Variants in C22orf31 observed in about 807,000 individuals in gnomAD.
The protein encoded by C22orf31 is chromosome 22 open reading frame 31, also known as uncharacterized protein C22orf31.
C22orf31 carries 11 observed loss-of-function variants against 15.0 expected under a neutral mutation model. That is an observed-to-expected ratio of 0.73 (90% CI 0.46 to 1.21). The LOEUF (loss-of-function observed/expected upper bound fraction) is 1.21, where lower values mean the gene tolerates loss of function less well. C22orf31 is among the 50% of genes most tolerant of loss of function. C22orf31 has a pLI of 0.00. For synonymous variants in C22orf31, 132 were observed against 133.3 expected (o/e 0.99, Z 0.07); for missense variants, 340 against 347.2 (o/e 0.98, Z 0.17).
At chr22:29,062,555 G>A (rs2037401405), upstream of C22orf31, among the ~76,000 whole-genome samples, 1 of 152,140 alleles carries the variant, frequency 6.6e-6, no homozygotes, top group Non-Finnish European at 1.5e-5. Flanking sequence ...TGCTCGTCCT[G>A]TTGGTGGGTT....
rs2037347509 is a variant in C22orf31 at position 29,058,864 on chromosome 22, G to A, written c.751C>T (p.Leu251Phe). The A allele has an allele frequency of 6.2e-7, 1 of 1,614,152 alleles. No homozygotes were observed. Among genetic ancestry groups the A allele is most frequent in the Non-Finnish European group, 8.5e-7 (1 of 1,180,018 alleles). ...TCAGAGATGGCACCCTGACTGCAAAGAGCCTCCCAGAGCTTTTGTTTAATG... is the reference window on the plus strand; with the variant it reads ...TCAGAGATGGCACCCTGACTGCAAAAAGCCTCCCAGAGCTTTTGTTTAATG... Reference protein sequence around the residue: ...KAIKQKLWEALCSQGAISEGA... With the variant: ...KAIKQKLWEAFCSQGAISEGA... Residue 251 changes from leucine to phenylalanine, a missense_variant, in exon 3 of 3, where the codon CTT (leucine) becomes TTT (phenylalanine). Physicochemically the swap from Leu to Phe is conservative, Grantham distance 22 (BLOSUM62 0). Transcript: ENST00000216071.
upstream of C22orf31, among the ~76,000 whole-genome samples, chr22:29,066,046 C>T (rs967550035): frequency 6.7e-6 from 1 of 150,344 alleles, no homozygotes; most frequent in Non-Finnish European, 1.5e-5. Flanking sequence ...GTATAATCTT[C>T]CTTCTTCCTT....
chr22:29,062,748 G>A (rs988947064), upstream of C22orf31, among the ~76,000 whole-genome samples: 1 of 152,146 alleles, frequency 6.6e-6, no homozygotes, highest in African/African-American at 2.4e-5. Context: ...ACCACAGGCT[G>A]TGGTGGAACC....
At position 29,059,557 on chromosome 22, in the gene C22orf31, C is replaced by G. The variant is rs1040026847; in HGVS notation, c.433-375G>C. 2.4e-5 allele frequency: 8 copies of G among 335,144 alleles called. No individual in the cohort carries two copies. In the Admixed American group the frequency reaches 3.9e-4, roughly 16 times the overall value. The allele number at this position is 335,144 out of a possible 1,614,324, so 20.8% of individuals were successfully genotyped here. On this transcript the variant is annotated intron_variant, in intron 2 of 2. Transcript: ENST00000216071. ...TTCATGAAGCCCTATGAGGGAAGGG[C>G]CGTTATCCCCCATTTAATATGATAA...
chr22:29,070,456 C>T, the C22orf31 span, among the ~76,000 whole-genome samples: 1 of 152,222 alleles, frequency 6.6e-6, no homozygotes, highest in South Asian at 2.1e-4. Flanking sequence ...CCAGACTTGG[C>T]CAAATAAACT....
chr22:29,059,733 C>A (rs2037363173), intron 2 of C22orf31: 3 of 985,232 alleles, frequency 3.0e-6, no homozygotes, highest in African/African-American at 1.7e-5. Context: ...TGGACGCTCA[C>A]AATCCAGATC....
chr22:29,060,194 C>CTTTTT (rs60535445), intron 2 of C22orf31, among the ~76,000 whole-genome samples: 1 of 128,830 alleles, frequency 7.8e-6, no homozygotes, highest in Non-Finnish European at 1.7e-5. Context: ...TCATGCCTGG[C>CTTTTT]TTTTTTTTTT....
At chr22:29,073,336 GC>G in the C22orf31 span, 3 of 294,628 alleles carry the variant, frequency 1.0e-5, no homozygotes. The surrounding 1 kb of genome is among the most constrained non-coding windows in gnomAD (Gnocchi z 4.4). Flanking sequence ...GACCTTCCGG[GC>G]CCCTTCCCCT....
chr22:29,072,343 C>G, the C22orf31 span, among the ~76,000 whole-genome samples: 129 of 152,168 alleles, frequency 8.5e-4, no homozygotes, highest in Non-Finnish European at 1.6e-3. Context: ...CCAGGTTGGT[C>G]TCAGAATCCT....
the C22orf31 span, chr22:29,073,269 C>G: frequency 1.1e-6 from 1 of 941,920 alleles, no homozygotes; most frequent in Non-Finnish European, 1.4e-6. This position sits in a 1 kb window ranked among gnomAD's most constrained non-coding sequence, Gnocchi z 4.4. Flanking sequence ...TGAGCGGAGC[C>G]CACTCGAGGG....
chr22:29,064,650 A>C (rs1387447836), upstream of C22orf31, among the ~76,000 whole-genome samples: 2 of 132,594 alleles, frequency 1.5e-5, no homozygotes, highest in Non-Finnish European at 3.1e-5. Flanking sequence ...AGTAGCTGGG[A>C]TCACAGGCTT....
the C22orf31 span, among the ~76,000 whole-genome samples, chr22:29,068,412 CTT>C: frequency 2.2e-3 from 281 of 127,400 alleles, no homozygotes; most frequent in Non-Finnish European, 3.1e-3. Flanking sequence ...CTTTAAATTT[CTT>C]TTTTTTTTTT....
chr22:29,059,950 T>C (rs550234777), intron 2 of C22orf31: 3 of 984,900 alleles, frequency 3.0e-6, no homozygotes, highest in South Asian at 4.7e-5. Context: ...TCTGTCATGC[T>C]ACACCTCCTC....
Position 29,059,183 on chromosome 22 carries a change from C to G in C22orf31, c.433-1G>C, listed in dbSNP as rs143333996. ...TTTTCTCCTTTGAACTTTCTTTACTCTAGCCAGGAAGAAAGCAGAGAAGTC... is the reference window on the plus strand; with the variant it reads ...TTTTCTCCTTTGAACTTTCTTTACTGTAGCCAGGAAGAAAGCAGAGAAGTC... On this transcript the variant is annotated splice_acceptor_variant, in intron 2 of 2. Coordinates refer to ENST00000216071, the MANE Select transcript of C22orf31 (RefSeq NM_015370.2). LOFTEE classifies it high-confidence loss of function. 5 of 1,593,452 alleles carry G rather than the reference C, an allele frequency of 3.1e-6. No homozygotes were observed. Among genetic ancestry groups the G allele is most frequent in the Admixed American group, 1.7e-5 (1 of 57,218 alleles).
chr22:29,061,253 C>T (rs369120131), intron 1 of C22orf31, among the ~76,000 whole-genome samples: 1 of 152,222 alleles, frequency 6.6e-6, no homozygotes, highest in African/African-American at 2.4e-5. Context: ...GCCCTGAATA[C>T]GCTTTACACT....
chr22:29,068,106 C>T, the C22orf31 span, among the ~76,000 whole-genome samples: 1 of 118,422 alleles, frequency 8.4e-6, no homozygotes, highest in Non-Finnish European at 1.7e-5. Context: ...TTTTTTGAGA[C>T]AGAGTCTCAC....
the C22orf31 span, among the ~76,000 whole-genome samples, chr22:29,072,012 G>T: frequency 6.6e-6 from 1 of 152,194 alleles, no homozygotes; most frequent in Non-Finnish European, 1.5e-5. Flanking sequence ...GTTGAAACTG[G>T]CTATGTGATA....
chr22:29,061,254 G>A (rs765388561), intron 1 of C22orf31, among the ~76,000 whole-genome samples: 26 of 152,068 alleles, frequency 1.7e-4, no homozygotes, highest in Non-Finnish European at 2.5e-4. Context: ...CCCTGAATAC[G>A]CTTTACACTT....
chr22:29,072,870 T>C, the C22orf31 span, among the ~76,000 whole-genome samples: 1 of 151,706 alleles, frequency 6.6e-6, no homozygotes, highest in Non-Finnish European at 1.5e-5. Flanking sequence ...GCCTGATGCG[T>C]GAGTGGCAGG....
Sources: gnomAD v4.1 joint callset for allele counts (sites outside exome capture counted in the v4.1 genomes callset) on GRCh38, gnomAD v4.1.1 for gene constraint, Gnocchi (gnomAD v3.1) non-coding constraint, MANE v1.5 for transcripts, NCBI Gene and HGNC (gene_info 2026-07-23, HGNC 2026-07-21) for gene names.